The following SNAP47 variants were observed in gnomAD, a reference collection of about 807,000 sequenced individuals.
SNAP47 encodes the protein synaptosomal-associated protein 47.
A neutral mutation model predicts 31.4 loss-of-function variants in SNAP47; 20 were observed. That is an observed-to-expected ratio of 0.64 (90% confidence interval 0.45 to 0.93). The LOEUF (loss-of-function observed/expected upper bound fraction) is 0.93. SNAP47 is among the 40% of genes least tolerant of loss of function. The pLI, the probability that SNAP47 is intolerant of heterozygous loss-of-function variation, is 0.00. For missense variants in SNAP47, 492 were observed against 528.5 expected, an observed-to-expected ratio of 0.93 and a Z score of 0.68; for synonymous variants, 194 against 213.4, an observed-to-expected ratio of 0.91 and a Z score of 0.79.
rs561387017 is a variant in SNAP47 at position 227,761,695 on chromosome 1, G to A, written c.988+2210G>A. ...GTATGTGACGTGCTGTGGACTGGTG[G>A]TGTGGGGACTGAAGAGGGGTCCCTG... On this transcript the variant is annotated intron_variant, in intron 3 of 4. Coordinates refer to ENST00000617596, the MANE Select transcript of SNAP47 (RefSeq NM_053052.4). Among the ~76,000 whole-genome samples, 7 of 152,326 alleles carry A rather than the reference G, an allele frequency of 4.6e-5. 1 individual carries two copies. In the South Asian group the frequency reaches 1.0e-3, roughly 23 times the overall value.
At chr1:227,736,159 A>T (rs147462770) in intron 1 of SNAP47, 98 of 147,552 alleles carry the variant, frequency 6.6e-4, no homozygotes, top group Non-Finnish European at 1.1e-3. Flanking sequence ...GGAGGGCTGG[A>T]GGGGGCAGGG....
At chr1:227,755,480 G>A (rs1279674306) in intron 2 of SNAP47, among the ~76,000 whole-genome samples, 4 of 152,036 alleles carry the variant, frequency 2.6e-5, no homozygotes, top group Admixed American at 6.6e-5. Flanking sequence ...TCTGCCTTCC[G>A]GGTTCAATCA....
chr1:227,751,613 G>C (rs1164717351), intron 2 of SNAP47, among the ~76,000 whole-genome samples: 1 of 152,174 alleles, frequency 6.6e-6, no homozygotes, highest in Non-Finnish European at 1.5e-5. Flanking sequence ...AGGCCCACAG[G>C]CAGGGCGCCC....
At chr1:227,756,198 T>C (rs1662681507) in intron 2 of SNAP47, among the ~76,000 whole-genome samples, 1 of 152,086 alleles carries the variant, frequency 6.6e-6, no homozygotes, top group South Asian at 2.1e-4. Context: ...AAATCAACAG[T>C]GGTAAAGTAA....
intron 1 of SNAP47, among the ~76,000 whole-genome samples, chr1:227,742,592 T>G (rs995273923): frequency 2.0e-5 from 3 of 152,324 alleles, no homozygotes; most frequent in East Asian, 3.9e-4. Context: ...CTCCCAACCA[T>G]GCCTGCTTAG....
intron 1 of SNAP47, among the ~76,000 whole-genome samples, chr1:227,743,214 G>A (rs930835709): frequency 2.6e-5 from 4 of 152,146 alleles, no homozygotes; most frequent in African/African-American, 7.2e-5. Context: ...AGATGGTGTC[G>A]CCTAGGAAGG....
intron 4 of SNAP47, chr1:227,776,053 C>G: frequency 8.4e-7 from 1 of 1,192,182 alleles, no homozygotes; most frequent in Non-Finnish European, 1.1e-6. Context: ...AGCCACGCAT[C>G]AGTTGCGTTT....
At chr1:227,769,478 G>A (rs992038190) in intron 4 of SNAP47, among the ~76,000 whole-genome samples, 1 of 152,048 alleles carries the variant, frequency 6.6e-6, no homozygotes, top group Non-Finnish European at 1.5e-5. Flanking sequence ...GCAGAAGCCA[G>A]AGTGAGTTAC....
intron 1 of SNAP47, chr1:227,744,018 G>A (rs1237030598): frequency 6.6e-6 from 1 of 152,192 alleles, no homozygotes. Flanking sequence ...GTGTGAAGTG[G>A]CGTGGTATCA....
chr1:227,735,741 G>A (rs1387922666), intron 1 of SNAP47: 2 of 980,400 alleles, frequency 2.0e-6, no homozygotes, highest in African/African-American at 3.5e-5. Flanking sequence ...GTGGGACCCA[G>A]AGGGAGAGCT....
At chr1:227,775,046 C>A (rs1664068902) in intron 4 of SNAP47, among the ~76,000 whole-genome samples, 1 of 152,244 alleles carries the variant, frequency 6.6e-6, no homozygotes. Context: ...CCTCGACCCA[C>A]CGCCGCGGGG....
upstream of SNAP47, chr1:227,735,376 C>T (rs758731175): frequency 5.0e-6 from 8 of 1,589,062 alleles, no homozygotes; most frequent in East Asian, 1.8e-4. Context: ...CGCGTTTCTG[C>T]CCCGCCAGCG....
chr1:227,733,757 C>G, upstream of SNAP47: 1 of 1,591,700 alleles, frequency 6.3e-7, no homozygotes, highest in Admixed American at 1.7e-5. Flanking sequence ...GAGGCCTGGT[C>G]CAACTGAAGG....
At chr1:227,733,274 G>C (rs761688620), upstream of SNAP47, 18 of 970,488 alleles carry the variant, frequency 1.9e-5, no homozygotes, top group South Asian at 2.9e-4. Context: ...AGGCCTCAGC[G>C]ACACCACCTT....
intron 1 of SNAP47, among the ~76,000 whole-genome samples, chr1:227,736,854 A>G (rs769295463): frequency 2.0e-5 from 3 of 151,908 alleles, no homozygotes; most frequent in Non-Finnish European, 4.4e-5. Context: ...GAACTTTCAT[A>G]TAGAGTGGGC....
chr1:227,747,792 A>T lies in SNAP47; in HGVS notation c.56A>T (p.Lys19Met). 6.2e-7 allele frequency: 1 copy of T among 1,614,194 alleles called. No homozygotes were observed. Among genetic ancestry groups the T allele is most frequent in the Non-Finnish European group, 8.5e-7 (1 of 1,180,022 alleles). Residue 19 changes from lysine (K) to methionine (M), a missense_variant, in exon 2 of 5, where the codon AAG (lysine) becomes ATG (methionine). Coordinates refer to ENST00000617596, the MANE Select transcript of SNAP47 (RefSeq NM_053052.4). ...CCGTGCACCTACTACCTGGAGCCCA[A>T]GAGGCGATGGGTTACTGGACAGCTG... Reference protein sequence around the residue: ...TWPCTYYLEPKRRWVTGQLSL... With the variant: ...TWPCTYYLEPMRRWVTGQLSL...
At chr1:227,738,856 C>T (rs1041029490) in intron 1 of SNAP47, among the ~76,000 whole-genome samples, 6 of 152,174 alleles carry the variant, frequency 3.9e-5, no homozygotes, top group Admixed American at 2.0e-4. Flanking sequence ...AGCCTGTTTC[C>T]TAAGAAAGGA....
At position 227,748,158 on chromosome 1, in the gene SNAP47, A is replaced by G. The variant is rs1356453633; in HGVS notation, c.422A>G (p.His141Arg). Residue 141 changes from histidine (H) to arginine (R), a missense_variant, in exon 2 of 5, where the codon CAC (histidine) becomes CGC (arginine). His to Arg is a conservative substitution (Grantham distance 29, BLOSUM62 0). Coordinates refer to ENST00000617596, the MANE Select transcript of SNAP47 (RefSeq NM_053052.4). The stretch of plus-strand genomic sequence containing the variant: ...CTGGAGGACACGGCGAGGGTCCTGC[A>G]CCACCAGGGCCAGCAGCTGGACAGC... ...KRLEDTARVL[H>R]HQGQQLDSVM... 1 of 1,613,408 alleles carries G rather than the reference A, an allele frequency of 6.2e-7. No homozygotes were observed. The highest frequency in any genetic ancestry group is 2.2e-5 in the East Asian group (1 of 44,866).
rs146969923 is a variant in SNAP47, at chr1:227,759,440, A to G, written c.943A>G (p.Arg315Gly). The G allele has an allele frequency of 1.1e-4, 170 of 1,614,238 alleles. 1 individual carries two copies. In the African/African-American group the frequency reaches 1.9e-3, roughly 18 times the overall value. ...LEDALVLRSA[R>G]TSSPAEKSCS... Reference sequence around the variant, plus strand: ...AGATGCATTGGTGCTCAGAAGCGCAAGAACCTCTTCCCCCGCAGAGAAGAG... The same window carrying G: ...AGATGCATTGGTGCTCAGAAGCGCAGGAACCTCTTCCCCCGCAGAGAAGAG... Residue 315 changes from arginine (R) to glycine (G), a missense_variant, in exon 3 of 5, where the codon AGA (arginine) becomes GGA (glycine). Physicochemically the swap from Arg to Gly is moderately radical, Grantham distance 125 (BLOSUM62 -2). Transcript: ENST00000617596.
Sources: gnomAD v4.1 joint callset for allele counts (sites outside exome capture counted in the v4.1 genomes callset) on GRCh38, gnomAD v4.1.1 for gene constraint, MANE v1.5 for transcripts, NCBI Gene and HGNC (gene_info 2026-07-23, HGNC 2026-07-21) for gene names.